TMEFF2: variants seen among roughly 807,000 people sequenced by gnomAD.
TMEFF2 encodes tomoregulin-2.
In TMEFF2, 28 loss-of-function variants were observed where a neutral mutation model predicts 53.8. The ratio of observed to expected loss-of-function variants is 0.52; its 90% CI spans 0.39 to 0.71. The LOEUF (loss-of-function observed/expected upper bound fraction) is 0.71, where lower values mean the gene tolerates loss of function less well. Ranked by LOEUF, TMEFF2 falls within the 30% of genes least tolerant of loss-of-function variation. The probability of loss-of-function intolerance (pLI) is 0.00; values close to 1 mark genes in which losing one functional copy is unlikely to be tolerated. For missense variants in TMEFF2, 353 were observed against 455.2 expected, an observed-to-expected ratio of 0.78 and a Z score of 2.04; for synonymous variants, 162 against 166.3, an observed-to-expected ratio of 0.97 and a Z score of 0.20.
intron 5 of TMEFF2, among the ~76,000 whole-genome samples, chr2:192,016,545 C>G (rs1244631250): frequency 6.6e-6 from 1 of 152,184 alleles, no homozygotes; most frequent in African/African-American, 2.4e-5. Context: ...ATGAAATATG[C>G]CAAGGATCCT....
At chr2:192,119,183 C>T (rs1689487160) in intron 4 of TMEFF2, among the ~76,000 whole-genome samples, 1 of 152,102 alleles carries the variant, frequency 6.6e-6, no homozygotes, top group African/African-American at 2.4e-5. Context: ...CTAATTTTCA[C>T]AAATTTGTTA....
intron 4 of TMEFF2, among the ~76,000 whole-genome samples, chr2:192,089,174 C>T (rs567608920): frequency 1.3e-5 from 2 of 152,144 alleles, no homozygotes; most frequent in African/African-American, 4.8e-5. Flanking sequence ...AAAGCTCTTG[C>T]TCCCTAGGCT....
At chr2:191,998,098 C>T (rs904241199) in intron 7 of TMEFF2, among the ~76,000 whole-genome samples, 164 bp downstream of exon 7, 2 of 151,820 alleles carry the variant, frequency 1.3e-5, no homozygotes, top group African/African-American at 4.8e-5. Context: ...TTTGCTTCAA[C>T]AAAAAATTAC....
intron 4 of TMEFF2, among the ~76,000 whole-genome samples, chr2:192,081,701 G>A (rs1412654181): frequency 1.3e-5 from 2 of 151,832 alleles, no homozygotes; most frequent in Non-Finnish European, 2.9e-5. Context: ...AAAATATAAC[G>A]GAGGAATGGA....
chr2:192,077,045 ATG>A (rs1688448120), intron 4 of TMEFF2, among the ~76,000 whole-genome samples: 1 of 152,174 alleles, frequency 6.6e-6, no homozygotes, highest in Non-Finnish European at 1.5e-5. Context: ...CTAAATGGTA[ATG>A]TGTCACTGTG....
chr2:191,970,279 T>C (rs1057017618), intron 7 of TMEFF2, among the ~76,000 whole-genome samples: 1 of 151,870 alleles, frequency 6.6e-6, no homozygotes, highest in Non-Finnish European at 1.5e-5. Context: ...GAACCAATAG[T>C]TTATTGGTTA....
At chr2:191,983,947 T>TC (rs1685915806) in intron 7 of TMEFF2, among the ~76,000 whole-genome samples, 1 of 152,190 alleles carries the variant, frequency 6.6e-6, no homozygotes, top group African/African-American at 2.4e-5. Context: ...TTTTAAAATG[T>TC]CACATACAGC....
chr2:192,105,812 CTAATAGA>C (rs1201549705), intron 4 of TMEFF2, among the ~76,000 whole-genome samples: 1 of 151,890 alleles, frequency 6.6e-6, no homozygotes, highest in Non-Finnish European at 1.5e-5. Context: ...ACTTCAATAT[CTAATAGA>C]TAAGAATTGT....
chr2:191,979,850 A>G (rs1282832147), intron 7 of TMEFF2, among the ~76,000 whole-genome samples: 1 of 151,712 alleles, frequency 6.6e-6, no homozygotes. Flanking sequence ...ATCTCTATCT[A>G]TCTATCGATC....
intron 1 of TMEFF2, among the ~76,000 whole-genome samples, chr2:192,193,798 A>AGAGAGGGAGGGAGG (rs1553534711): frequency 3.6e-5 from 5 of 139,930 alleles, no homozygotes; most frequent in African/African-American, 1.4e-4. Context: ...AGAGAGAGAG[A>AGAGAGGGAGGGAGG]GAGAGAGAGA....
At position 192,132,680 on chromosome 2, in the gene TMEFF2, T is replaced by C. The variant is rs1023619686; in HGVS notation, c.439+46988A>G. ...CGGCCAGGCGTTCCTCCAGGCCCGC[T>C]TCCCCCAGGAGCTTGCTACAAGTGC... On this transcript the variant is annotated intron_variant, in intron 4 of 9. Coordinates refer to ENST00000272771, the MANE Select transcript of TMEFF2 (RefSeq NM_016192.4). Among the ~76,000 whole-genome samples the C allele has an allele frequency of 1.8e-4, 27 of 152,224 alleles. No individual in the cohort carries two copies. In the East Asian group the frequency reaches 3.7e-3, roughly 21 times the overall value.
intron 4 of TMEFF2, among the ~76,000 whole-genome samples, chr2:192,127,342 C>T (rs1404098133): frequency 1.3e-5 from 2 of 152,144 alleles, no homozygotes; most frequent in Non-Finnish European, 2.9e-5. Flanking sequence ...TATCACAGGC[C>T]ACGTAATTCA....
intron 5 of TMEFF2, chr2:192,044,498 T>C (rs1687563685): frequency 2.0e-5 from 3 of 152,218 alleles, no homozygotes; most frequent in South Asian, 2.1e-4. Flanking sequence ...TACTCCTTAT[T>C]TGAGTGTGTT....
intron 5 of TMEFF2, among the ~76,000 whole-genome samples, chr2:192,033,670 G>A (rs911508567): frequency 1.3e-5 from 2 of 151,870 alleles, no homozygotes; most frequent in African/African-American, 4.8e-5. Flanking sequence ...ATGACCAGGA[G>A]GACTGGAGCT....
intron 4 of TMEFF2, among the ~76,000 whole-genome samples, chr2:192,164,640 A>G (rs1690712707): frequency 6.6e-6 from 1 of 151,996 alleles, no homozygotes; most frequent in Non-Finnish European, 1.5e-5. Context: ...AGGCAGGAGA[A>G]TCGCTTGAAC....
At chr2:192,041,791 G>A (rs191085489) in intron 5 of TMEFF2, among the ~76,000 whole-genome samples, 8 of 152,308 alleles carry the variant, frequency 5.3e-5, no homozygotes, top group African/African-American at 7.2e-5. Flanking sequence ...TAGGGAAGCC[G>A]TAGAAAAGGA....
Position 191,949,295 on chromosome 2 carries a change from G to A in TMEFF2, c.*1016C>T. 3 of 985,282 alleles carry A rather than the reference G, an allele frequency of 3.0e-6. No homozygotes were observed. Among genetic ancestry groups the A allele is most frequent in the Non-Finnish European group, 3.6e-6 (3 of 829,884 alleles). The allele number at this position is 985,282 out of a possible 1,614,324, so 61.0% of individuals were successfully genotyped here. On this transcript the variant is annotated 3_prime_UTR_variant, in exon 10 of 10. Transcript: ENST00000272771. ...CTTTCTTACCTCACCACATAAATAT[G>A]CTCAAAACATCTCTCTGTTTTCATG...
chr2:191,981,659 T>G (rs533477407), intron 7 of TMEFF2, among the ~76,000 whole-genome samples: 1 of 152,340 alleles, frequency 6.6e-6, no homozygotes, highest in South Asian at 2.1e-4. Flanking sequence ...ATTTGGCATA[T>G]GTGTATTTGT....
At chr2:192,071,270 CA>C (rs1249974791) in intron 4 of TMEFF2, among the ~76,000 whole-genome samples, 4 of 151,978 alleles carry the variant, frequency 2.6e-5, no homozygotes, top group Non-Finnish European at 5.9e-5. Flanking sequence ...CTTGCCTAAC[CA>C]ACTGCAGTGA....
Sources: gnomAD v4.1 joint callset for allele counts (sites outside exome capture counted in the v4.1 genomes callset) on GRCh38, gnomAD v4.1.1 for gene constraint, MANE v1.5 for transcripts, NCBI Gene and HGNC (gene_info 2026-07-23, HGNC 2026-07-21) for gene names.